Variants in PCDH15 observed in about 807,000 individuals in gnomAD.
PCDH15 encodes protocadherin-15.
Under a neutral mutation model 178.5 loss-of-function variants are expected in PCDH15, and 129 were observed. The ratio of observed to expected loss-of-function variants is 0.72; its 90% CI spans 0.63 to 0.84. The LOEUF (loss-of-function observed/expected upper bound fraction) is 0.84. Among genes scored for constraint, PCDH15 ranks in the 40% least tolerant of loss-of-function variants. The pLI, the probability that PCDH15 is intolerant of heterozygous loss-of-function variation, is 0.00. For synonymous variants in PCDH15, 800 were observed against 732.0 expected, an observed-to-expected ratio of 1.09 and a Z score of -1.50; for missense variants, 2,230 against 2,099.9, an observed-to-expected ratio of 1.06 and a Z score of -1.21.
At chr10:54,240,683 G>C (rs542129986) in intron 8 of PCDH15, among the ~76,000 whole-genome samples, 233 of 136,134 alleles carry the variant, frequency 1.7e-3, no homozygotes, top group African/African-American at 6.0e-3. Flanking sequence ...CCAGGCTGGA[G>C]TGCAGTGGCG....
intron 3 of PCDH15, among the ~76,000 whole-genome samples, chr10:54,425,832 T>C (rs1387296255): frequency 6.6e-6 from 1 of 152,160 alleles, no homozygotes; most frequent in East Asian, 1.9e-4. Context: ...ATGAGGCTTT[T>C]TTTCAAAATT....
In PCDH15 at chr10:54,817,343, A is replaced by C. The variant is rs1952963326; in HGVS notation, c.-29+80107T>G. Among the ~76,000 whole-genome samples, 12 of 152,062 alleles carry C rather than the reference A, an allele frequency of 7.9e-5. No homozygotes were observed. The South Asian group carries it at 2.5e-3, about 32-fold the overall frequency. On this transcript the variant is annotated intron_variant, in intron 3 of 5. Transcript: ENST00000458638. The stretch of plus-strand genomic sequence containing the variant: ...ATATATGTTATTTTAGAAATGAGGA[A>C]ATTAAGGTTGAATTATTCTAAGTTA...
chr10:55,470,739 A>G (rs1369362500), intron 2 of PCDH15, among the ~76,000 whole-genome samples: 1 of 152,158 alleles, frequency 6.6e-6, no homozygotes, highest in East Asian at 1.9e-4. Context: ...CAAATGTATA[A>G]CAACATGCAT....
intron 3 of PCDH15, among the ~76,000 whole-genome samples, chr10:54,384,484 C>T (rs1264065892): frequency 6.6e-6 from 1 of 151,876 alleles, no homozygotes; most frequent in Non-Finnish European, 1.5e-5. Flanking sequence ...TTAAATGATT[C>T]GATTCAGTAA....
intron 2 of PCDH15, among the ~76,000 whole-genome samples, chr10:55,342,332 A>C (rs1339067926): frequency 6.6e-6 from 1 of 151,992 alleles, no homozygotes; most frequent in Non-Finnish European, 1.5e-5. Flanking sequence ...AAAGCATTTA[A>C]TTTAAAAGTA....
At chr10:54,350,817 A>AG (rs1944054208) in intron 5 of PCDH15, among the ~76,000 whole-genome samples, 1 of 152,026 alleles carries the variant, frequency 6.6e-6, no homozygotes, top group Admixed American at 6.6e-5. Context: ...ATAGATAGAT[A>AG]ATAGGCCTGG....
At chr10:53,951,763 T>C (rs1463732712) in intron 23 of PCDH15, among the ~76,000 whole-genome samples, 1 of 152,184 alleles carries the variant, frequency 6.6e-6, no homozygotes, top group Non-Finnish European at 1.5e-5. Flanking sequence ...TTTCACCCAC[T>C]CAGCCTGGCA....
At chr10:55,336,077 G>A (rs1469320994) in intron 2 of PCDH15, among the ~76,000 whole-genome samples, 1 of 130,152 alleles carries the variant, frequency 7.7e-6, no homozygotes, top group Non-Finnish European at 1.6e-5. Flanking sequence ...TGTAGGATGT[G>A]ATGTGTTTCA....
chr10:54,958,050 A>G (rs988064250), intron 2 of PCDH15, among the ~76,000 whole-genome samples: 1 of 151,740 alleles, frequency 6.6e-6, no homozygotes, highest in Non-Finnish European at 1.5e-5. Context: ...GCTAACTCCT[A>G]TTCTCAAATT....
intron 1 of PCDH15, among the ~76,000 whole-genome samples, chr10:54,754,123 C>T (rs927141631): frequency 1.8e-4 from 27 of 151,976 alleles, no homozygotes; most frequent in African/African-American, 5.3e-4. Flanking sequence ...CCACCGCGCC[C>T]GGCTCCCCAA....
chr10:54,438,355 G>A lies in PCDH15; in HGVS notation c.158-59413C>T, dbSNP rs114400809. 6.0e-3 allele frequency among the ~76,000 whole-genome samples: 881 copies of A among 147,310 alleles called. 7 individuals are homozygous for A. Among genetic ancestry groups the A allele is most frequent in the African/African-American group, 0.021 (826 of 39,742 alleles). On this transcript the variant is annotated intron_variant, in intron 3 of 37. Coordinates refer to ENST00000644397, the MANE Select transcript of PCDH15 (RefSeq NM_001384140.1). ...CCAAATGCTTCTTCTGTCGGGGAGT[G>A]AATTTGTAAGTTCTTTGTAACTCTG...
chr10:53,825,014 C>T lies in PCDH15; in HGVS notation c.4367+2379G>A, dbSNP rs931785609. ...GTGGAAGACAAAACTTTCCTTTTAA[C>T]AGTAAGTGAGTCTGTGGCAAAAGAT... is the stretch of plus-strand genomic sequence containing the variant. On this transcript the variant is annotated intron_variant, in intron 32 of 37. Coordinates refer to ENST00000644397, the MANE Select transcript of PCDH15 (RefSeq NM_001384140.1). 11 of 1,228,290 alleles carry T rather than the reference C, an allele frequency of 9.0e-6. No individual in the cohort carries two copies. The African/African-American group carries it at 1.6e-4, about 18-fold the overall frequency. The allele number at this position is 1,228,290 out of a possible 1,614,324, so 76.1% of individuals were successfully genotyped here.
At chr10:54,131,513 C>T (rs938621490) in intron 15 of PCDH15, among the ~76,000 whole-genome samples, 2 of 151,626 alleles carry the variant, frequency 1.3e-5, no homozygotes, top group African/African-American at 4.9e-5. Flanking sequence ...AGGTTTTATT[C>T]CCTTTCTTTT....
At chr10:54,216,937 A>G (rs530108188) in intron 9 of PCDH15, among the ~76,000 whole-genome samples, 3 of 152,278 alleles carry the variant, frequency 2.0e-5, no homozygotes, top group South Asian at 4.1e-4. Context: ...AGCTATTACT[A>G]TGGAGTTATT....
intron 18 of PCDH15, among the ~76,000 whole-genome samples, chr10:54,055,683 A>G (rs1283940753): frequency 6.6e-6 from 1 of 152,110 alleles, no homozygotes; most frequent in African/African-American, 2.4e-5. Flanking sequence ...CTCAACCTCC[A>G]TCCACCCATG....
intron 26 of PCDH15, among the ~76,000 whole-genome samples, chr10:53,891,000 C>T (rs776443148): frequency 9.2e-5 from 14 of 151,998 alleles, no homozygotes; most frequent in Non-Finnish European, 1.6e-4. Flanking sequence ...TGTACTTTAC[C>T]GTTCTTATTG....
At chr10:55,386,984 A>T (rs1330048387) in intron 2 of PCDH15, among the ~76,000 whole-genome samples, 2 of 152,116 alleles carry the variant, frequency 1.3e-5, no homozygotes, top group Non-Finnish European at 2.9e-5. Flanking sequence ...TTTTTGGAGG[A>T]AATCGTGAGA....
intron 1 of PCDH15, among the ~76,000 whole-genome samples, chr10:54,779,003 G>T (rs1411939045): frequency 6.6e-6 from 1 of 152,016 alleles, no homozygotes; most frequent in Non-Finnish European, 1.5e-5. Context: ...CTGCTCGTGT[G>T]TGAAGGGATT....
intron 18 of PCDH15, among the ~76,000 whole-genome samples, chr10:54,030,046 A>G (rs2093246352): frequency 2.0e-5 from 3 of 152,296 alleles, no homozygotes; most frequent in South Asian, 4.1e-4. Flanking sequence ...CAGATTAATT[A>G]TTTAGATAGA....
Sources: gnomAD v4.1 joint callset for allele counts (sites outside exome capture counted in the v4.1 genomes callset) on GRCh38, gnomAD v4.1.1 for gene constraint, MANE v1.5 for transcripts, NCBI Gene and HGNC (gene_info 2026-07-23, HGNC 2026-07-21) for gene names.